SLC25A23: variants seen among roughly 807,000 people sequenced by gnomAD.
SLC25A23 encodes the protein mitochondrial adenyl nucleotide antiporter SLC25A23.
A neutral mutation model predicts 53.9 loss-of-function variants in SLC25A23; 32 were observed. The observed-to-expected ratio is 0.59, with a 90% confidence interval of 0.45 to 0.80. The LOEUF (loss-of-function observed/expected upper bound fraction) is 0.80. Among genes scored for constraint, SLC25A23 ranks in the 30% least tolerant of loss-of-function variants. The pLI, the probability that SLC25A23 is intolerant of heterozygous loss-of-function variation, is 0.00. For missense variants in SLC25A23, 575 were observed against 651.4 expected (o/e 0.88, Z 1.28); for synonymous variants, 275 against 264.5 (o/e 1.04, Z -0.38).
Position 6,457,534 on chromosome 19 carries a change from AGATGGAAAT to A in SLC25A23, c.331_339del (p.Ile111_Ile113del), listed in dbSNP as rs768402884. The A allele has an allele frequency of 1.2e-6, 2 of 1,614,058 alleles. No homozygotes were observed. Among genetic ancestry groups the A allele is most frequent in the Non-Finnish European group, 8.5e-7 (1 of 1,180,010 alleles). Reference sequence around the variant, plus strand: ...AAAATTTTCTCAGCCTGCTCCAGCGAGATGGAAATGCCCAGAGCTCGGAAACTCTGTTGG... The same window carrying A: ...AAAATTTTCTCAGCCTGCTCCAGCGAGCCCAGAGCTCGGAAACTCTGTTGG... On this transcript the variant is annotated inframe_deletion, in exon 3 of 10. Transcript: ENST00000301454.
chr19:6,455,930 A>G lies in SLC25A23; in HGVS notation c.483+490T>C, dbSNP rs1039106197. The stretch of plus-strand genomic sequence containing the variant: ...GAGACGGGGTTTCACCATGTTAGCC[A>G]GGATGGTCGCGATCGCCTGACCTCG... On this transcript the variant is annotated intron_variant, in intron 4 of 9. Transcript: ENST00000301454. The G allele has an allele frequency of 2.2e-5, 21 of 934,360 alleles. No individual in the cohort carries two copies. In the African/African-American group the frequency reaches 3.5e-4, roughly 15 times the overall value. 57.9% of individuals were successfully genotyped at this position (934,360 alleles called of 1,614,324 possible). A position where few individuals can be genotyped will look rare whatever the true frequency, so the allele number is the denominator to read the frequency against.
chr19:6,444,432 G>A (rs985377382), intron 8 of SLC25A23, 131 bp from the exon 9 acceptor site: 60 of 978,018 alleles, frequency 6.1e-5, no homozygotes, highest in Non-Finnish European at 7.1e-5. Flanking sequence ...CCTAGGGGCC[G>A]GGCCAGCCCT....
At chr19:6,447,777 TCTC>T (rs1459093103) in intron 8 of SLC25A23, among the ~76,000 whole-genome samples, 2 of 152,176 alleles carry the variant, frequency 1.3e-5, no homozygotes, top group Non-Finnish European at 2.9e-5. Context: ...TTCAAGAAAT[TCTC>T]CTGTCTTAGC....
downstream of SLC25A23, chr19:6,436,547 GT>G: frequency 2.5e-6 from 1 of 407,230 alleles, no homozygotes; most frequent in Non-Finnish European, 4.8e-6. Flanking sequence ...CAGCGACAGT[GT>G]CTTTTTTTTT....
downstream of SLC25A23, among the ~76,000 whole-genome samples, chr19:6,439,089 G>A (rs189079029): frequency 3.3e-5 from 5 of 151,458 alleles, no homozygotes; most frequent in Non-Finnish European, 5.9e-5. Context: ...GCATGGTGGT[G>A]GTTGCCTATA....
chr19:6,450,230 A>G (rs1051853502), intron 8 of SLC25A23, among the ~76,000 whole-genome samples: 1 of 151,714 alleles, frequency 6.6e-6, no homozygotes, highest in Non-Finnish European at 1.5e-5. Flanking sequence ...AGTCCCCCCC[A>G]GACACCTAAG....
At chr19:6,458,911 T>C (rs1188284748) in intron 1 of SLC25A23, among the ~76,000 whole-genome samples, 1 of 152,010 alleles carries the variant, frequency 6.6e-6, no homozygotes, top group Non-Finnish European at 1.5e-5. Context: ...ACCTGCAAAG[T>C]GGAGGTGGGG....
intron 2 of SLC25A23, 49 bp from the exon 3 acceptor site, chr19:6,457,639 G>A (rs376059500): frequency 2.6e-5 from 39 of 1,524,920 alleles, no homozygotes; most frequent in Non-Finnish European, 3.5e-5. Context: ...GAGGACACCT[G>A]GGGAACCCCA....
intron 4 of SLC25A23, among the ~76,000 whole-genome samples, chr19:6,455,292 T>C (rs1224057540): frequency 6.6e-6 from 1 of 152,072 alleles, no homozygotes; most frequent in Non-Finnish European, 1.5e-5. Flanking sequence ...AAAAGATCCC[T>C]CAGGGCAAAT....
In SLC25A23 at chr19:6,458,166, T is replaced by C. The variant is rs377420050; in HGVS notation, c.283+32A>G. ...TCTAGGGCCCCCACAGCCCTATCCC[T>C]TGGGGCCTGCAGGCAGGTCGCCCGA... On this transcript the variant is annotated intron_variant, in intron 2 of 9. Transcript: ENST00000301454. 177 of 1,610,232 alleles carry C rather than the reference T, an allele frequency of 1.1e-4. No individual in the cohort carries two copies. The African/African-American group carries it at 2.1e-3, about 19-fold the overall frequency.
rs750468049 is a variant in SLC25A23 at position 6,444,178 on chromosome 19, G to C, written c.1195C>G (p.Leu399Val). The C allele has an allele frequency of 5.6e-6, 9 of 1,595,898 alleles. 1 individual carries two copies. In the South Asian group the frequency reaches 6.8e-5, roughly 12 times the overall value. ...CGQIASYPLALVRTRMQAQAS... is the reference protein window; with the variant it reads ...CGQIASYPLAVVRTRMQAQAS... ...TGTGCCTGCATGCGGGTCCGGACCAGGGCCAGCGGGTAACTGGCTATCTGG... is the reference window on the plus strand; with the variant it reads ...TGTGCCTGCATGCGGGTCCGGACCACGGCCAGCGGGTAACTGGCTATCTGG... The change falls in exon 9 of 10, where the codon CTG becomes GTG. Residue 399 changes from leucine to valine, a missense_variant. By Grantham distance (32) the Leu-to-Val change is conservative. Coordinates refer to ENST00000301454, the MANE Select transcript of SLC25A23 (RefSeq NM_024103.3).
At chr19:6,445,398 C>T (rs918860355) in intron 8 of SLC25A23, among the ~76,000 whole-genome samples, 1 of 152,182 alleles carries the variant, frequency 6.6e-6, no homozygotes, top group Non-Finnish European at 1.5e-5. Flanking sequence ...CATGAGTCAC[C>T]ATGCCCGGCA....
At chr19:6,449,789 C>T (rs2092560618) in intron 8 of SLC25A23, among the ~76,000 whole-genome samples, 1 of 151,912 alleles carries the variant, frequency 6.6e-6, no homozygotes, top group Non-Finnish European at 1.5e-5. Flanking sequence ...CCACCTCGGC[C>T]TCCCAAAGTG....
downstream of SLC25A23, among the ~76,000 whole-genome samples, chr19:6,439,245 G>A (rs1599278555): frequency 3.3e-5 from 5 of 151,802 alleles, no homozygotes; most frequent in African/African-American, 1.2e-4. Context: ...GGACATAACG[G>A]TGCGTGTGCC....
intron 4 of SLC25A23, 123 bp downstream of exon 4, chr19:6,456,297 G>A: frequency 9.7e-7 from 1 of 1,025,820 alleles, no homozygotes; most frequent in Non-Finnish European, 1.4e-6. Flanking sequence ...GTCAGCTGCT[G>A]CCAGTGCCTT....
chr19:6,445,453 G>A (rs1297660646), intron 8 of SLC25A23, among the ~76,000 whole-genome samples: 1 of 152,172 alleles, frequency 6.6e-6, no homozygotes. Flanking sequence ...AAAGACAGAA[G>A]CAGAAGCGAG....
Position 6,459,324 on chromosome 19 carries a change from C to T in SLC25A23, c.156+149G>A, listed in dbSNP as rs2092727209. ...TTGAGCGATCCCGTTAGGCCAAACACGAGTGGGTAGGGGGAACGAGACAGA... is the reference window on the plus strand; with the variant it reads ...TTGAGCGATCCCGTTAGGCCAAACATGAGTGGGTAGGGGGAACGAGACAGA... On this transcript the variant is annotated intron_variant, in intron 1 of 9. Transcript: ENST00000301454. The surrounding 1 kb of genome is among the most constrained non-coding windows in gnomAD (Gnocchi z 4.6). 3.1e-6 allele frequency: 2 copies of T among 645,116 alleles called. No homozygotes were observed. Among genetic ancestry groups the T allele is most frequent in the Non-Finnish European group, 4.8e-6 (2 of 418,812 alleles). 40.0% of individuals were successfully genotyped at this position (645,116 alleles called of 1,614,324 possible). A position where few individuals can be genotyped will look rare whatever the true frequency, so the allele number is the denominator to read the frequency against.
At chr19:6,439,041 A>C (rs1473029213), downstream of SLC25A23, among the ~76,000 whole-genome samples, 1 of 151,904 alleles carries the variant, frequency 6.6e-6, no homozygotes, top group East Asian at 1.9e-4. Flanking sequence ...ACTGCATCAC[A>C]AACAAACAAG....
chr19:6,450,080 A>T (rs1276012514), intron 8 of SLC25A23, among the ~76,000 whole-genome samples: 2 of 147,018 alleles, frequency 1.4e-5, no homozygotes, highest in Non-Finnish European at 3.0e-5. Context: ...CTGGTCTTGA[A>T]CTCCTGACCT....
Sources: allele counts gnomAD v4.1 joint callset (sites outside exome capture counted in the v4.1 genomes callset), GRCh38; gene constraint gnomAD v4.1.1; non-coding constraint Gnocchi (gnomAD v3.1); transcripts MANE v1.5; gene names NCBI Gene and HGNC (gene_info 2026-07-23, HGNC 2026-07-21).